MAF: variants seen among roughly 807,000 people sequenced by gnomAD.
The protein encoded by MAF is MAF bZIP transcription factor.
Under a neutral mutation model 22.0 loss-of-function variants are expected in MAF, and 10 were observed. That is an observed-to-expected ratio of 0.45 (90% CI 0.28 to 0.77). MAF has a LOEUF of 0.77. Ranked by LOEUF, MAF falls within the 30% of genes least tolerant of loss-of-function variation. The pLI is 0.12. For missense variants in MAF, 544 were observed against 548.4 expected (o/e 0.99, Z 0.08); for synonymous variants, 337 against 255.8 (o/e 1.32, Z -3.03).
chr16:79,373,292 C>T, the MAF span, among the ~76,000 whole-genome samples: 4 of 139,372 alleles, frequency 2.9e-5, no homozygotes, highest in African/African-American at 1.1e-4. Flanking sequence ...TTCAAGAGGG[C>T]TCTGTCCTGT....
the MAF span, among the ~76,000 whole-genome samples, chr16:79,257,207 G>C: frequency 5.9e-5 from 9 of 151,896 alleles, no homozygotes; most frequent in Admixed American, 1.3e-4. Context: ...AAAAAAAGAA[G>C]AGTGTATGTA....
At chr16:79,353,776 G>A in the MAF span, among the ~76,000 whole-genome samples, 3 of 152,048 alleles carry the variant, frequency 2.0e-5, no homozygotes, top group Non-Finnish European at 4.4e-5. Context: ...TCTTTTAGAC[G>A]ATGGTCCTCA....
At chr16:79,454,746 C>T in the MAF span, among the ~76,000 whole-genome samples, 7 of 152,156 alleles carry the variant, frequency 4.6e-5, no homozygotes, top group African/African-American at 1.4e-4. Flanking sequence ...CCTGGAGAGG[C>T]TGATCACATT....
chr16:79,276,093 A>C, the MAF span, among the ~76,000 whole-genome samples: 1 of 152,150 alleles, frequency 6.6e-6, no homozygotes, highest in East Asian at 1.9e-4. Flanking sequence ...GTGAGCCGAG[A>C]TCGTGCCACT....
the MAF span, among the ~76,000 whole-genome samples, chr16:79,252,502 T>C: frequency 6.6e-6 from 1 of 152,120 alleles, no homozygotes; most frequent in African/African-American, 2.4e-5. Context: ...TTTTTTCTTT[T>C]TTTTCGAGAT....
the MAF span, among the ~76,000 whole-genome samples, chr16:79,237,191 T>G: frequency 2.6e-5 from 4 of 152,192 alleles, no homozygotes; most frequent in Admixed American, 2.0e-4. Context: ...CATAATCCTA[T>G]GTGTAATGTT....
chr16:79,483,730 T>C, the MAF span, among the ~76,000 whole-genome samples: 103,130 of 151,956 alleles, frequency 0.68, 35,543 homozygotes, highest in Middle Eastern at 0.81. Context: ...ATGGCAGGCA[T>C]AGAGAGAGAG....
At chr16:79,350,154 G>A in the MAF span, among the ~76,000 whole-genome samples, 4 of 152,152 alleles carry the variant, frequency 2.6e-5, no homozygotes, top group African/African-American at 2.4e-5. Context: ...TTTTTCATAT[G>A]TGCCCTCTCT....
chr16:79,534,683 A>T, the MAF span, among the ~76,000 whole-genome samples: 1 of 152,132 alleles, frequency 6.6e-6, no homozygotes, highest in South Asian at 2.1e-4. Flanking sequence ...ACATGTATAC[A>T]TATGTAACAA....
chr16:79,273,945 C>A, the MAF span, among the ~76,000 whole-genome samples: 1 of 127,816 alleles, frequency 7.8e-6, no homozygotes, highest in Non-Finnish European at 1.6e-5. Flanking sequence ...TACTTCGTGT[C>A]TGCCTTTTTT....
the MAF span, among the ~76,000 whole-genome samples, chr16:79,383,197 A>C: frequency 6.6e-6 from 1 of 152,202 alleles, no homozygotes; most frequent in African/African-American, 2.4e-5. Flanking sequence ...AGGGGTACTT[A>C]AACTCCAACT....
chr16:79,541,458 C>A, the MAF span, among the ~76,000 whole-genome samples: 3 of 151,826 alleles, frequency 2.0e-5, no homozygotes, highest in African/African-American at 7.3e-5. Flanking sequence ...CACAGTAGTA[C>A]CTGCTTCCCA....
the MAF span, among the ~76,000 whole-genome samples, chr16:79,570,723 G>T: frequency 6.6e-6 from 1 of 152,162 alleles, no homozygotes; most frequent in Non-Finnish European, 1.5e-5. Flanking sequence ...CCAATTTCAT[G>T]CTACCAGTGT....
the MAF span, among the ~76,000 whole-genome samples, chr16:79,499,029 C>T: frequency 6.6e-6 from 1 of 152,040 alleles, no homozygotes; most frequent in African/African-American, 2.4e-5. Flanking sequence ...GGAAGCCCTC[C>T]CCAGATAGAC....
At chr16:79,302,339 C>T in the MAF span, among the ~76,000 whole-genome samples, 3 of 152,220 alleles carry the variant, frequency 2.0e-5, no homozygotes, top group African/African-American at 4.8e-5. Flanking sequence ...CTCTGTCCCC[C>T]ACTTGGAGAA....
At chr16:79,449,894 G>T in the MAF span, among the ~76,000 whole-genome samples, 1 of 152,134 alleles carries the variant, frequency 6.6e-6, no homozygotes, top group African/African-American at 2.4e-5. Flanking sequence ...TTTCAGCAGC[G>T]GCTATGCAAG....
At chr16:79,395,541 C>A in the MAF span, among the ~76,000 whole-genome samples, 1 of 152,088 alleles carries the variant, frequency 6.6e-6, no homozygotes, top group Non-Finnish European at 1.5e-5. Flanking sequence ...CAGAGAGGCA[C>A]TGAGGGGCAG....
the MAF span, among the ~76,000 whole-genome samples, chr16:79,335,132 C>T: frequency 2.0e-5 from 3 of 150,556 alleles, no homozygotes; most frequent in African/African-American, 7.3e-5. Flanking sequence ...TTGCAGTAAT[C>T]CAAGATCGCG....
chr16:79,232,823 A>AAAGATAAG, the MAF span, among the ~76,000 whole-genome samples: 16 of 150,934 alleles, frequency 1.1e-4, no homozygotes, highest in Non-Finnish European at 1.9e-4. Context: ...GTGTTATTGT[A>AAAGATAAG]AAGATAAGCC....
Sources: gnomAD v4.1 joint callset for allele counts (sites outside exome capture counted in the v4.1 genomes callset) on GRCh38, gnomAD v4.1.1 for gene constraint, MANE v1.5 for transcripts, NCBI Gene and HGNC (gene_info 2026-07-23, HGNC 2026-07-21) for gene names.